ANO2: variants seen among roughly 807,000 people sequenced by gnomAD.
The protein encoded by ANO2 is anoctamin-2.
ANO2 carries 101 observed loss-of-function variants against 124.2 expected under a neutral mutation model. That is an observed-to-expected ratio of 0.81 (90% CI 0.69 to 0.96). The LOEUF (loss-of-function observed/expected upper bound fraction) is 0.96. Among genes scored for constraint, ANO2 ranks in the 40% least tolerant of loss-of-function variants. The pLI is 0.00. For synonymous variants in ANO2, 486 were observed against 482.5 expected, an observed-to-expected ratio of 1.01 and a Z score of -0.09; for missense variants, 1,293 against 1,274.5, an observed-to-expected ratio of 1.01 and a Z score of -0.22.
chr12:5,731,101 C>T (rs1225498459), intron 14 of ANO2, among the ~76,000 whole-genome samples: 3 of 152,152 alleles, frequency 2.0e-5, no homozygotes, highest in Admixed American at 6.5e-5. Context: ...AGTCAGTGGT[C>T]AATAAAAGTT....
chr12:5,704,365 C>T (rs998892877), intron 14 of ANO2, among the ~76,000 whole-genome samples: 11 of 152,266 alleles, frequency 7.2e-5, no homozygotes, highest in East Asian at 1.9e-4. Context: ...ACCCACCATG[C>T]GCCCTGGTGA....
At chr12:5,898,760 C>G (rs1347831341) in intron 3 of ANO2, among the ~76,000 whole-genome samples, 1 of 152,150 alleles carries the variant, frequency 6.6e-6, no homozygotes, top group African/African-American at 2.4e-5. Flanking sequence ...GAAGGAGGCC[C>G]AAGGGGGACT....
At chr12:5,929,856 TCACTCGTCTGC>T (rs1269912274) in intron 1 of ANO2, among the ~76,000 whole-genome samples, 117 of 147,498 alleles carry the variant, frequency 7.9e-4, no homozygotes, top group Middle Eastern at 3.6e-3. Flanking sequence ...CCTTCTTTCC[TCACTCGTCTGC>T]CTTCTTTCCT....
intron 14 of ANO2, among the ~76,000 whole-genome samples, chr12:5,693,761 C>G (rs1015157531): frequency 6.6e-6 from 1 of 152,128 alleles, no homozygotes; most frequent in Non-Finnish European, 1.5e-5. Flanking sequence ...CGAGTTTGCT[C>G]TACATCAGGA....
chr12:5,788,420 A>C (rs1430050471), intron 10 of ANO2, among the ~76,000 whole-genome samples: 1 of 152,232 alleles, frequency 6.6e-6, no homozygotes, highest in East Asian at 1.9e-4. Flanking sequence ...TAGGATGATA[A>C]ATTATCTAAC....
intron 1 of ANO2, among the ~76,000 whole-genome samples, chr12:5,941,420 A>G (rs1942889413): frequency 1.3e-5 from 2 of 152,182 alleles, no homozygotes; most frequent in Admixed American, 6.5e-5. Context: ...TCAAATCTAG[A>G]GAGCAGAGGA....
At chr12:5,931,489 G>C (rs1050250564) in intron 1 of ANO2, among the ~76,000 whole-genome samples, 3 of 151,582 alleles carry the variant, frequency 2.0e-5, no homozygotes, top group African/African-American at 7.3e-5. Flanking sequence ...GGCCTATAAG[G>C]AAAGAAGGCA....
chr12:5,574,899 C>G (rs1162429084), intron 23 of ANO2, among the ~76,000 whole-genome samples: 1 of 152,190 alleles, frequency 6.6e-6, no homozygotes, highest in Non-Finnish European at 1.5e-5. Context: ...TCTTCAAATT[C>G]AACAACCTTT....
intron 10 of ANO2, among the ~76,000 whole-genome samples, chr12:5,783,999 G>A (rs2137138201): frequency 6.6e-6 from 1 of 152,274 alleles, no homozygotes; most frequent in Non-Finnish European, 1.5e-5. Flanking sequence ...CACTTTAGCT[G>A]AGTAGCCACA....
At chr12:5,926,270 T>C (rs1411353347) in intron 1 of ANO2, among the ~76,000 whole-genome samples, 4 of 152,174 alleles carry the variant, frequency 2.6e-5, no homozygotes, top group Non-Finnish European at 5.9e-5. Flanking sequence ...CCCACCCTAG[T>C]GCCAGCTGTC....
chr12:5,907,778 G>A (rs181175106), intron 3 of ANO2, among the ~76,000 whole-genome samples: 1 of 152,334 alleles, frequency 6.6e-6, no homozygotes, highest in East Asian at 1.9e-4. Context: ...AATAGACCCG[G>A]CATGGCTAAG....
chr12:5,634,653 G>A (rs1234446130), intron 16 of ANO2, among the ~76,000 whole-genome samples: 1 of 152,204 alleles, frequency 6.6e-6, no homozygotes, highest in Non-Finnish European at 1.5e-5. Flanking sequence ...CCTCTTTGAA[G>A]TCTACTCAGT....
intron 7 of ANO2, among the ~76,000 whole-genome samples, chr12:5,823,345 T>C (rs1273818619): frequency 6.6e-5 from 10 of 152,208 alleles, no homozygotes; most frequent in Non-Finnish European, 1.3e-4. Context: ...ATCAAAAGCA[T>C]GCTAGTTACT....
chr12:5,896,679 T>C (rs1476094937), intron 3 of ANO2, among the ~76,000 whole-genome samples: 1 of 152,192 alleles, frequency 6.6e-6, no homozygotes, highest in African/African-American at 2.4e-5. Flanking sequence ...ATTTTGATAA[T>C]TCTCTAAATT....
At chr12:5,878,161 T>C (rs986008934) in intron 3 of ANO2, among the ~76,000 whole-genome samples, 2 of 152,248 alleles carry the variant, frequency 1.3e-5, no homozygotes. Flanking sequence ...ATAATAATTA[T>C]GACTCTCTGT....
chr12:5,645,283 C>T (rs919318157), intron 15 of ANO2, among the ~76,000 whole-genome samples: 2 of 151,950 alleles, frequency 1.3e-5, no homozygotes, highest in African/African-American at 4.8e-5. Context: ...TAAGTCTATC[C>T]ATGGTTGAGG....
chr12:5,706,879 T>C (rs932800772), intron 14 of ANO2, among the ~76,000 whole-genome samples: 3 of 152,240 alleles, frequency 2.0e-5, no homozygotes, highest in Non-Finnish European at 4.4e-5. Context: ...CCCAAGGACA[T>C]AGAGCTACTA....
chr12:5,810,349 G>A (rs1461145291), intron 7 of ANO2, among the ~76,000 whole-genome samples: 1 of 152,144 alleles, frequency 6.6e-6, no homozygotes, highest in Admixed American at 6.5e-5. Flanking sequence ...AACAAGCATG[G>A]AAATCAGTTT....
intron 16 of ANO2, among the ~76,000 whole-genome samples, chr12:5,621,561 G>A (rs966529446): frequency 5.3e-5 from 8 of 152,218 alleles, no homozygotes; most frequent in African/African-American, 1.4e-4. Context: ...GAAATGGACT[G>A]ACAGGTGCGG....
Sources: gnomAD v4.1 joint callset for allele counts (sites outside exome capture counted in the v4.1 genomes callset) on GRCh38, gnomAD v4.1.1 for gene constraint, MANE v1.5 for transcripts, NCBI Gene and HGNC (gene_info 2026-07-23, HGNC 2026-07-21) for gene names.